Variants in NKAIN3 observed in about 807,000 individuals in gnomAD.
NKAIN3 encodes sodium/potassium-transporting ATPase subunit beta-1-interacting protein 3.
A neutral mutation model predicts 30.2 loss-of-function variants in NKAIN3; 25 were observed. That is an observed-to-expected ratio of 0.83 (90% CI 0.60 to 1.16). NKAIN3 has a LOEUF of 1.16. NKAIN3 is among the 50% of genes most tolerant of loss of function. The pLI is 0.00. For missense variants in NKAIN3, 225 were observed against 254.1 expected, an observed-to-expected ratio of 0.89 and a Z score of 0.78; for synonymous variants, 91 against 89.6, an observed-to-expected ratio of 1.02 and a Z score of -0.09.
chr8:62,441,111 T>C, intron 1 of NKAIN3, among the ~76,000 whole-genome samples: 1 of 152,296 alleles, frequency 6.6e-6, no homozygotes, highest in South Asian at 2.1e-4. Flanking sequence ...ATCTATAGTT[T>C]TGAATATAAA....
rs78060244 is a variant in NKAIN3, at chr8:62,617,707, C to A, written c.273+27913C>A. The stretch of plus-strand genomic sequence containing the variant: ...GGAAAATGTTGTGCTTAATCCTGAG[C>A]TGCTCACTCCAAGATTAAGATTATA... On this transcript the variant is annotated intron_variant, in intron 3 of 6. Transcript: ENST00000623646. Among the ~76,000 whole-genome samples the A allele has an allele frequency of 4.5e-4, 69 of 152,290 alleles. No homozygotes were observed. The East Asian group carries it at 0.012, about 26-fold the overall frequency.
intron 1 of NKAIN3, among the ~76,000 whole-genome samples, chr8:62,325,899 A>T (rs181100766): frequency 6.6e-6 from 1 of 151,736 alleles, no homozygotes; most frequent in Non-Finnish European, 1.5e-5. Flanking sequence ...TAGATTCTGG[A>T]TATTAGTCTT....
chr8:62,680,016 A>C (rs1364886984), intron 3 of NKAIN3, among the ~76,000 whole-genome samples: 2 of 152,124 alleles, frequency 1.3e-5, no homozygotes, highest in African/African-American at 4.8e-5. Context: ...AGCTGGGAGG[A>C]GAGATTGGCA....
intron 1 of NKAIN3, among the ~76,000 whole-genome samples, chr8:62,428,833 G>A (rs1804901014): frequency 6.6e-6 from 1 of 151,764 alleles, no homozygotes; most frequent in Non-Finnish European, 1.5e-5. Flanking sequence ...TTAGCTTGAT[G>A]AAATCTTGTT....
chr8:62,453,066 T>C (rs1219736661), intron 1 of NKAIN3, among the ~76,000 whole-genome samples: 2 of 152,216 alleles, frequency 1.3e-5, no homozygotes, highest in African/African-American at 4.8e-5. Context: ...ATATCACTTA[T>C]GTGTTTGTTT....
chr8:62,914,535 T>C (rs924731723), intron 4 of NKAIN3, among the ~76,000 whole-genome samples: 2 of 152,156 alleles, frequency 1.3e-5, no homozygotes, highest in African/African-American at 4.8e-5. Context: ...GTTCTGCTTT[T>C]AGGATATATA....
At chr8:62,736,223 G>T (rs1405821922) in intron 3 of NKAIN3, among the ~76,000 whole-genome samples, 1 of 152,154 alleles carries the variant, frequency 6.6e-6, no homozygotes, top group Non-Finnish European at 1.5e-5. Flanking sequence ...TCAGGTAGTG[G>T]GCAGGATCAT....
At chr8:62,700,841 C>T (rs1814310257) in intron 3 of NKAIN3, among the ~76,000 whole-genome samples, 1 of 152,098 alleles carries the variant, frequency 6.6e-6, no homozygotes, top group South Asian at 2.1e-4. Flanking sequence ...ATCATCAGAC[C>T]ATATTTTCTA....
At chr8:62,648,435 A>G (rs1044784786) in intron 3 of NKAIN3, among the ~76,000 whole-genome samples, 1 of 152,170 alleles carries the variant, frequency 6.6e-6, no homozygotes, top group African/African-American at 2.4e-5. Flanking sequence ...GTTCCCTAAG[A>G]AGCAAGCTGG....
intron 1 of NKAIN3, among the ~76,000 whole-genome samples, chr8:62,254,948 A>G (rs1286838668): frequency 6.6e-6 from 1 of 152,224 alleles, no homozygotes; most frequent in Non-Finnish European, 1.5e-5. Context: ...TGTTTTTATG[A>G]ACAATTGAGT....
chr8:62,596,294 G>A (rs980722803), intron 3 of NKAIN3, among the ~76,000 whole-genome samples: 3 of 151,932 alleles, frequency 2.0e-5, no homozygotes, highest in African/African-American at 7.3e-5. Flanking sequence ...CATACTAGGG[G>A]TCCTTCTATA....
intron 4 of NKAIN3, among the ~76,000 whole-genome samples, chr8:62,810,400 G>A (rs1286583469): frequency 6.6e-5 from 10 of 152,090 alleles, no homozygotes; most frequent in Non-Finnish European, 1.5e-5. Context: ...GTGCAAGCAT[G>A]GGAATGAGAA....
chr8:62,666,566 G>T (rs1353580424), intron 3 of NKAIN3, among the ~76,000 whole-genome samples: 4 of 151,856 alleles, frequency 2.6e-5, no homozygotes, highest in Non-Finnish European at 5.9e-5. Flanking sequence ...GTCATTTTGT[G>T]ATTTTTTTCT....
intron 4 of NKAIN3, among the ~76,000 whole-genome samples, chr8:62,885,043 CTT>C (rs1458838480): frequency 6.6e-6 from 1 of 151,584 alleles, no homozygotes; most frequent in Non-Finnish European, 1.5e-5. Flanking sequence ...TTAAATTGCT[CTT>C]CTTTTTCTAG....
At chr8:62,501,059 C>CT (rs1167553816) in intron 1 of NKAIN3, among the ~76,000 whole-genome samples, 5 of 152,124 alleles carry the variant, frequency 3.3e-5, no homozygotes, top group African/African-American at 7.2e-5. Context: ...ATACATGTTC[C>CT]TTTTTTTCTA....
chr8:62,370,589 T>A (rs1643314184), intron 1 of NKAIN3, among the ~76,000 whole-genome samples: 1 of 152,014 alleles, frequency 6.6e-6, no homozygotes, highest in Non-Finnish European at 1.5e-5. Flanking sequence ...TTTTCATAAT[T>A]TGGCTGTTAT....
intron 1 of NKAIN3, among the ~76,000 whole-genome samples, chr8:62,518,504 A>T (rs1052928758): frequency 1.3e-5 from 2 of 152,114 alleles, no homozygotes; most frequent in African/African-American, 4.8e-5. Flanking sequence ...GGGTGTTGGA[A>T]TATCAAATAG....
At chr8:62,960,874 G>A (rs576223198) in intron 6 of NKAIN3, among the ~76,000 whole-genome samples, 15 of 152,146 alleles carry the variant, frequency 9.9e-5, no homozygotes, top group South Asian at 6.2e-4. Flanking sequence ...ATCTACAAAC[G>A]TCTGCAAACA....
intron 1 of NKAIN3, among the ~76,000 whole-genome samples, chr8:62,315,433 G>A (rs1305383673): frequency 2.0e-5 from 3 of 152,136 alleles, no homozygotes; most frequent in Non-Finnish European, 4.4e-5. Flanking sequence ...AATACTGCTG[G>A]GGTCCCTCAA....
Sources: gnomAD v4.1 joint callset for allele counts (sites outside exome capture counted in the v4.1 genomes callset) on GRCh38, gnomAD v4.1.1 for gene constraint, MANE v1.5 for transcripts, NCBI Gene and HGNC (gene_info 2026-07-23, HGNC 2026-07-21) for gene names.